PIBF1: variants seen among roughly 807,000 people sequenced by gnomAD.
PIBF1 encodes progesterone immunomodulatory binding factor 1.
PIBF1 carries 90 observed loss-of-function variants against 112.5 expected under a neutral mutation model. The observed-to-expected ratio is 0.80, with a 90% CI of 0.67 to 0.95. The LOEUF (loss-of-function observed/expected upper bound fraction) is 0.95, where lower values mean the gene tolerates loss of function less well. Among genes scored for constraint, PIBF1 ranks in the 40% least tolerant of loss-of-function variants. The pLI is 0.00. For synonymous variants in PIBF1, 301 were observed against 288.6 expected (o/e 1.04, Z -0.44); for missense variants, 915 against 852.3 (o/e 1.07, Z -0.92).
chr13:72,785,285 C>A (rs777849004), intron 2 of PIBF1, among the ~76,000 whole-genome samples: 1 of 152,142 alleles, frequency 6.6e-6, no homozygotes, highest in Non-Finnish European at 1.5e-5. Flanking sequence ...GGCCATCGGA[C>A]TGAATTTGTT....
chr13:72,962,164 A>C (rs2042623634), intron 14 of PIBF1, among the ~76,000 whole-genome samples: 1 of 152,174 alleles, frequency 6.6e-6, no homozygotes. Context: ...AACCGCTAAT[A>C]ATATAAATAC....
rs531438742 is a variant in PIBF1 at position 72,940,344 on chromosome 13, A to G, written c.1833+9077A>G. 2.3e-3 allele frequency among the ~76,000 whole-genome samples: 351 copies of G among 152,144 alleles called. 2 individuals are homozygous for G. The highest frequency in any genetic ancestry group is 8.1e-3 in the African/African-American group (337 of 41,532). Reference sequence around the variant, plus strand: ...CTCAGATATTGTAGTTTTCATTTCTAGAAGTTCAAATTGGATCTTCTTTGT... The same window carrying G: ...CTCAGATATTGTAGTTTTCATTTCTGGAAGTTCAAATTGGATCTTCTTTGT... On this transcript the variant is annotated intron_variant, in intron 14 of 17. Transcript: ENST00000326291.
intron 5 of PIBF1, among the ~76,000 whole-genome samples, chr13:72,821,380 A>T (rs2036550381): frequency 6.6e-6 from 1 of 152,210 alleles, no homozygotes; most frequent in Non-Finnish European, 1.5e-5. Context: ...TTTTCTGAGT[A>T]ACACAATTGG....
At chr13:72,987,177 G>A (rs2043317858) in intron 16 of PIBF1, among the ~76,000 whole-genome samples, 1 of 152,160 alleles carries the variant, frequency 6.6e-6, no homozygotes, top group Non-Finnish European at 1.5e-5. Context: ...ATAAGACTTA[G>A]TGAAAGATAA....
intron 10 of PIBF1, among the ~76,000 whole-genome samples, chr13:72,867,640 C>T (rs999432873): frequency 6.6e-6 from 1 of 152,122 alleles, no homozygotes; most frequent in African/African-American, 2.4e-5. Context: ...ACTGTATATT[C>T]TAATTGTTAG....
At chr13:72,883,048 A>G (rs1020406508) in intron 10 of PIBF1, among the ~76,000 whole-genome samples, 1 of 152,220 alleles carries the variant, frequency 6.6e-6, no homozygotes, top group Admixed American at 6.5e-5. Flanking sequence ...TACTTATTGC[A>G]GCACTGTTTA....
At chr13:72,847,784 A>G (rs1204376527) in intron 9 of PIBF1, among the ~76,000 whole-genome samples, 5 of 152,244 alleles carry the variant, frequency 3.3e-5, no homozygotes. Flanking sequence ...TCTATGATAA[A>G]GGTAAAACTA....
intron 12 of PIBF1, among the ~76,000 whole-genome samples, chr13:72,915,353 C>G (rs1352814932): frequency 2.0e-5 from 3 of 152,136 alleles, no homozygotes; most frequent in African/African-American, 7.2e-5. Context: ...TTCTAAGACA[C>G]ATTGTTCAGA....
intron 6 of PIBF1, among the ~76,000 whole-genome samples, chr13:72,824,391 A>C (rs1316309105): frequency 6.6e-6 from 1 of 152,170 alleles, no homozygotes; most frequent in East Asian, 1.9e-4. Context: ...TAAATATAGC[A>C]AACTTGAATA....
chr13:72,982,971 T>C (rs573393570), intron 16 of PIBF1, among the ~76,000 whole-genome samples: 25 of 152,330 alleles, frequency 1.6e-4, no homozygotes, highest in Admixed American at 1.1e-3. Context: ...ATGGTAGTTG[T>C]AGGCACAGCA....
intron 17 of PIBF1, among the ~76,000 whole-genome samples, chr13:73,005,443 A>ATGAC (rs2044002904): frequency 6.6e-6 from 1 of 151,836 alleles, no homozygotes; most frequent in Non-Finnish European, 1.5e-5. Context: ...CACTGCCCTC[A>ATGAC]ACCCTGGATG....
intron 10 of PIBF1, among the ~76,000 whole-genome samples, chr13:72,890,177 A>G (rs143373112): frequency 7.2e-5 from 11 of 152,278 alleles, no homozygotes; most frequent in African/African-American, 2.6e-4. Context: ...TGTTTTATCC[A>G]GTACTTTTAT....
intron 5 of PIBF1, among the ~76,000 whole-genome samples, chr13:72,800,872 AAG>A (rs1211012111): frequency 5.3e-5 from 8 of 152,204 alleles, no homozygotes; most frequent in African/African-American, 1.9e-4. Flanking sequence ...GAGAGCAGGG[AAG>A]AGAGCATTGT....
intron 16 of PIBF1, among the ~76,000 whole-genome samples, chr13:72,981,619 T>C (rs2043160228): frequency 1.3e-5 from 2 of 152,284 alleles, no homozygotes; most frequent in South Asian, 4.1e-4. Flanking sequence ...TTGAGAAAAA[T>C]GAATTTTGAA....
intron 16 of PIBF1, among the ~76,000 whole-genome samples, chr13:72,997,302 G>T (rs1458387458): frequency 6.6e-6 from 1 of 152,122 alleles, no homozygotes; most frequent in African/African-American, 2.4e-5. Context: ...ATACCCATTT[G>T]ACATCAAATC....
intron 16 of PIBF1, among the ~76,000 whole-genome samples, chr13:72,997,085 T>G (rs1186206000): frequency 1.3e-5 from 2 of 152,220 alleles, no homozygotes; most frequent in African/African-American, 4.8e-5. Context: ...TCCTGACCAC[T>G]AAACCCCCCT....
chr13:72,921,094 T>A (rs2041271011), intron 13 of PIBF1, among the ~76,000 whole-genome samples: 1 of 152,058 alleles, frequency 6.6e-6, no homozygotes, highest in Non-Finnish European at 1.5e-5. Context: ...TTTATTTTAT[T>A]TTATTTTTAT....
At chr13:72,974,000 A>G (rs547211092) in intron 16 of PIBF1, 4 of 333,060 alleles carry the variant, frequency 1.2e-5, no homozygotes, top group South Asian at 1.4e-4. Flanking sequence ...ATGTATGCCC[A>G]GTGCCTGTAG....
At chr13:72,931,938 C>CTTTTTTTTTTTTTTTTTTTTTT (rs59274277) in intron 14 of PIBF1, among the ~76,000 whole-genome samples, 15 of 100,836 alleles carry the variant, frequency 1.5e-4, no homozygotes, top group East Asian at 2.8e-4. Flanking sequence ...TTGTTTCTTT[C>CTTTTTTTTTTTTTTTTTTTTTT]TTTTTTTTTT....
Sources: gnomAD v4.1 joint callset for allele counts (sites outside exome capture counted in the v4.1 genomes callset) on GRCh38, gnomAD v4.1.1 for gene constraint, MANE v1.5 for transcripts, NCBI Gene and HGNC (gene_info 2026-07-23, HGNC 2026-07-21) for gene names.